The following VWC2L variants were observed in gnomAD, a reference collection of about 807,000 sequenced individuals.
VWC2L encodes von Willebrand factor C domain containing 2 like, also known as von Willebrand factor C domain-containing protein 2-like.
Under a neutral mutation model 21.6 loss-of-function variants are expected in VWC2L, and 10 were observed. That is an observed-to-expected ratio of 0.46 (90% CI 0.29 to 0.78). VWC2L has a LOEUF of 0.78. Ranked by LOEUF, VWC2L falls within the 30% of genes least tolerant of loss-of-function variation. The probability of loss-of-function intolerance (pLI) is 0.10; values close to 1 mark genes in which losing one functional copy is unlikely to be tolerated. For synonymous variants in VWC2L, 96 were observed against 94.3 expected (o/e 1.02, Z -0.10); for missense variants, 209 against 277.1 (o/e 0.75, Z 1.74).
intron 2 of VWC2L, among the ~76,000 whole-genome samples, chr2:214,421,265 G>C (rs567987338): frequency 1.6e-4 from 25 of 152,198 alleles, no homozygotes; most frequent in African/African-American, 5.8e-4. Flanking sequence ...TTATCCTTTT[G>C]ATATTAAGTA....
chr2:214,428,578 T>C (rs1336820891), intron 2 of VWC2L, among the ~76,000 whole-genome samples: 1 of 152,198 alleles, frequency 6.6e-6, no homozygotes, highest in Non-Finnish European at 1.5e-5. Flanking sequence ...CATCTCAATA[T>C]ATTTTTGTGG....
intron 3 of VWC2L, among the ~76,000 whole-genome samples, chr2:214,497,076 A>G (rs1380882644): frequency 2.0e-5 from 3 of 152,338 alleles, no homozygotes; most frequent in East Asian, 1.9e-4. Flanking sequence ...AGCAAATCCT[A>G]TATTTCAAAA....
intron 3 of VWC2L, among the ~76,000 whole-genome samples, chr2:214,463,924 G>A (rs1008846356): frequency 1.6e-4 from 25 of 151,752 alleles, no homozygotes; most frequent in Admixed American, 1.3e-4. Context: ...GATAAATTCT[G>A]CTGCTGAGAG....
chr2:214,552,509 A>G (rs928908612), intron 3 of VWC2L, among the ~76,000 whole-genome samples: 1 of 152,156 alleles, frequency 6.6e-6, no homozygotes, highest in African/African-American at 2.4e-5. Flanking sequence ...ATGCTTCCCA[A>G]CCTTGGTCTA....
Position 214,549,051 on chromosome 2 carries a change from T to C in VWC2L, c.521-26621T>C, listed in dbSNP as rs191893996. Among the ~76,000 whole-genome samples the C allele has an allele frequency of 7.9e-5, 12 of 152,350 alleles. No individual in the cohort carries two copies. In the East Asian group the frequency reaches 2.3e-3, roughly 29 times the overall value. On this transcript the variant is annotated intron_variant, in intron 3 of 3. Coordinates refer to ENST00000312504, the MANE Select transcript of VWC2L (RefSeq NM_001080500.4). ...AAGAAATCTGTTTTCTTTCATTTTC[T>C]AGCTCCTAGAGACCACCTGCATTAC... is the stretch of plus-strand genomic sequence containing the variant.
intron 3 of VWC2L, among the ~76,000 whole-genome samples, chr2:214,510,559 T>G (rs1271604240): frequency 6.6e-6 from 1 of 152,214 alleles, no homozygotes; most frequent in East Asian, 1.9e-4. Context: ...TTACTTCTAG[T>G]TTCCTCTCTC....
At chr2:214,495,625 T>C (rs1036123537) in intron 3 of VWC2L, among the ~76,000 whole-genome samples, 7 of 152,090 alleles carry the variant, frequency 4.6e-5, no homozygotes, top group Non-Finnish European at 8.8e-5. Flanking sequence ...CATCTGTAAA[T>C]GAGAACCAGT....
chr2:214,553,915 T>C (rs904465724), intron 3 of VWC2L, among the ~76,000 whole-genome samples: 1 of 152,172 alleles, frequency 6.6e-6, no homozygotes, highest in Admixed American at 6.5e-5. Context: ...TAAAGGTCTG[T>C]AGAACCTGGC....
chr2:214,439,213 T>A (rs1702724999), intron 3 of VWC2L, among the ~76,000 whole-genome samples: 1 of 151,970 alleles, frequency 6.6e-6, no homozygotes, highest in Non-Finnish European at 1.5e-5. Flanking sequence ...TTGGCTCTCA[T>A]TCTAAGCCTA....
intron 2 of VWC2L, among the ~76,000 whole-genome samples, chr2:214,434,943 G>A (rs1333157924): frequency 1.3e-5 from 2 of 152,126 alleles, no homozygotes; most frequent in African/African-American, 4.8e-5. Context: ...GTGGGGAAGG[G>A]ATTATATTAG....
chr2:214,518,268 G>A (rs1175043399), intron 3 of VWC2L, among the ~76,000 whole-genome samples: 1 of 152,130 alleles, frequency 6.6e-6, no homozygotes, highest in African/African-American at 2.4e-5. Context: ...TTGTGCTAGG[G>A]CAAGATACCT....
intron 3 of VWC2L, among the ~76,000 whole-genome samples, chr2:214,459,898 TTGAC>T (rs1703113304): frequency 7.1e-6 from 1 of 141,774 alleles, no homozygotes; most frequent in African/African-American, 2.7e-5. Context: ...TTCTTTTCCT[TTGAC>T]TTTTTTTTTT....
chr2:214,488,164 C>A (rs1671866507), intron 3 of VWC2L, among the ~76,000 whole-genome samples: 1 of 152,222 alleles, frequency 6.6e-6, no homozygotes, highest in Non-Finnish European at 1.5e-5. Context: ...CCAGCTTCTA[C>A]CGCTTCATGG....
At chr2:214,457,797 A>G (rs1162850903) in intron 3 of VWC2L, among the ~76,000 whole-genome samples, 4 of 151,980 alleles carry the variant, frequency 2.6e-5, no homozygotes, top group South Asian at 2.1e-4. Flanking sequence ...ATCCATCCCT[A>G]TATCTCTGGA....
chr2:214,471,048 A>G (rs534451093), intron 3 of VWC2L, among the ~76,000 whole-genome samples: 13 of 151,688 alleles, frequency 8.6e-5, no homozygotes, highest in African/African-American at 2.9e-4. Context: ...TTTTTTCCCC[A>G]TGAGTTTAAA....
chr2:214,536,168 T>C (rs1235556199), intron 3 of VWC2L, among the ~76,000 whole-genome samples: 1 of 152,150 alleles, frequency 6.6e-6, no homozygotes, highest in Non-Finnish European at 1.5e-5. Flanking sequence ...GTTGGAATGT[T>C]GGAATGTTGA....
At chr2:214,510,378 T>G (rs759686678) in intron 3 of VWC2L, among the ~76,000 whole-genome samples, 2 of 152,238 alleles carry the variant, frequency 1.3e-5, no homozygotes, top group East Asian at 3.8e-4. Flanking sequence ...GCCCCTCTAT[T>G]TGGAGCCGCT....
At position 214,475,140 on chromosome 2, in the gene VWC2L, A is replaced by G. The variant is rs1442227215; in HGVS notation, c.520+38382A>G. Among the ~76,000 whole-genome samples, 5 of 152,196 alleles carry G rather than the reference A, an allele frequency of 3.3e-5. No homozygotes were observed. The East Asian group carries it at 9.6e-4, about 29-fold the overall frequency. On this transcript the variant is annotated intron_variant, in intron 3 of 3. Transcript: ENST00000312504. ...GAAAGCTTTACATTGTAGATGTAAA[A>G]GAAATTCTTTGTTGTACCTCAACGG... is the stretch of plus-strand genomic sequence containing the variant.
intron 3 of VWC2L, among the ~76,000 whole-genome samples, chr2:214,442,049 T>A (rs922827219): frequency 1.1e-4 from 17 of 151,826 alleles, no homozygotes; most frequent in African/African-American, 3.4e-4. Flanking sequence ...GTAGCTGGGA[T>A]TATAGGTGCC....
Sources: gnomAD v4.1 joint callset for allele counts (sites outside exome capture counted in the v4.1 genomes callset) on GRCh38, gnomAD v4.1.1 for gene constraint, MANE v1.5 for transcripts, NCBI Gene and HGNC (gene_info 2026-07-23, HGNC 2026-07-21) for gene names.